The following NYAP2 variants were observed in gnomAD, a reference collection of about 807,000 sequenced individuals.
NYAP2 encodes the protein neuronal tyrosine-phosphorylated phosphoinositide-3-kinase adaptor 2.
In NYAP2, 23 loss-of-function variants were observed where a neutral mutation model predicts 50.4. That is an observed-to-expected ratio of 0.46 (90% CI 0.33 to 0.65). The LOEUF (loss-of-function observed/expected upper bound fraction) is 0.65. NYAP2 is among the 30% of genes least tolerant of loss of function. The pLI, the probability that NYAP2 is intolerant of heterozygous loss-of-function variation, is 0.02. For synonymous variants in NYAP2, 394 were observed against 365.2 expected (o/e 1.08, Z -0.90); for missense variants, 885 against 861.0 (o/e 1.03, Z -0.35).
chr2:225,665,635 C>T, the NYAP2 span, among the ~76,000 whole-genome samples: 1 of 150,014 alleles, frequency 6.7e-6, no homozygotes, highest in African/African-American at 2.5e-5. Context: ...ATGGTGAAAC[C>T]CCGTCTCTAC....
the NYAP2 span, among the ~76,000 whole-genome samples, chr2:225,673,523 T>G: frequency 6.6e-6 from 1 of 152,258 alleles, no homozygotes; most frequent in Admixed American, 6.5e-5. Context: ...CGAGGTAAGC[T>G]TATGTAACAA....
At chr2:225,476,225 A>C (rs1038539704) in intron 3 of NYAP2, among the ~76,000 whole-genome samples, 2 of 152,134 alleles carry the variant, frequency 1.3e-5, no homozygotes, top group African/African-American at 4.8e-5. Flanking sequence ...CATCCTGGCT[A>C]ACACGATGAA....
chr2:225,573,671 G>T (rs1032444413), intron 4 of NYAP2, among the ~76,000 whole-genome samples: 4 of 152,160 alleles, frequency 2.6e-5, no homozygotes, highest in Admixed American at 6.6e-5. Context: ...GTTGGGATGG[G>T]TTGGAACGTT....
At chr2:225,489,709 ATCC>A (rs1690371073) in intron 3 of NYAP2, among the ~76,000 whole-genome samples, 1 of 152,218 alleles carries the variant, frequency 6.6e-6, no homozygotes, top group African/African-American at 2.4e-5. Flanking sequence ...CCAGCAGGGT[ATCC>A]TCCTTCTGAA....
chr2:225,641,468 CAA>C (rs542466098), intron 6 of NYAP2, among the ~76,000 whole-genome samples: 5 of 125,628 alleles, frequency 4.0e-5, no homozygotes, highest in African/African-American at 9.4e-5. Context: ...CACACACACA[CAA>C]ACACACACAC....
chr2:225,537,594 T>A (rs1691374447), intron 4 of NYAP2, among the ~76,000 whole-genome samples: 1 of 152,148 alleles, frequency 6.6e-6, no homozygotes, highest in African/African-American at 2.4e-5. Flanking sequence ...ATGATTCAAT[T>A]ACCTCCCACC....
intron 3 of NYAP2, among the ~76,000 whole-genome samples, chr2:225,479,233 T>A (rs986465415): frequency 6.6e-6 from 1 of 152,200 alleles, no homozygotes; most frequent in East Asian, 1.9e-4. Flanking sequence ...AATCTGGTTA[T>A]AAATCCACTG....
chr2:225,616,926 C>T (rs770463210), intron 5 of NYAP2, among the ~76,000 whole-genome samples: 1 of 152,190 alleles, frequency 6.6e-6, no homozygotes, highest in Non-Finnish European at 1.5e-5. Context: ...GCCTTGATCA[C>T]TTCTCCTTAT....
chr2:225,584,977 T>C (rs1278115125), intron 5 of NYAP2, among the ~76,000 whole-genome samples: 1 of 152,222 alleles, frequency 6.6e-6, no homozygotes, highest in Non-Finnish European at 1.5e-5. Flanking sequence ...GGGGTGTTAC[T>C]GACATCTATT....
chr2:225,607,442 C>T (rs973463937), intron 5 of NYAP2, among the ~76,000 whole-genome samples: 5 of 152,080 alleles, frequency 3.3e-5, no homozygotes, highest in African/African-American at 9.7e-5. Flanking sequence ...CTCCTTTCTT[C>T]AAGAACATTC....
intron 4 of NYAP2, among the ~76,000 whole-genome samples, chr2:225,536,512 T>C (rs749438193): frequency 7.5e-6 from 1 of 133,314 alleles, no homozygotes; most frequent in Non-Finnish European, 1.6e-5. Flanking sequence ...TTCTTTTTAT[T>C]GCTGTTGTTG....
chr2:225,628,014 G>A (rs558951310), intron 6 of NYAP2, among the ~76,000 whole-genome samples: 24 of 151,994 alleles, frequency 1.6e-4, no homozygotes, highest in South Asian at 6.3e-4. Flanking sequence ...TCAGACAGTC[G>A]TGCACAAGTT....
At chr2:225,419,266 G>T (rs887146973) in intron 3 of NYAP2, among the ~76,000 whole-genome samples, 3 of 152,218 alleles carry the variant, frequency 2.0e-5, no homozygotes, top group African/African-American at 7.2e-5. Context: ...AAGGAAAGAT[G>T]CTCCGATAAC....
chr2:225,597,060 G>T (rs1020249344), intron 5 of NYAP2, among the ~76,000 whole-genome samples: 1 of 152,092 alleles, frequency 6.6e-6, no homozygotes, highest in African/African-American at 2.4e-5. Context: ...TATGGTATTT[G>T]TATCTGTGAA....
At chr2:225,695,358 A>C in the NYAP2 span, among the ~76,000 whole-genome samples, 7 of 152,050 alleles carry the variant, frequency 4.6e-5, no homozygotes, top group South Asian at 1.4e-3. Context: ...ATAAAATCAT[A>C]GAAGTGATGC....
intron 3 of NYAP2, among the ~76,000 whole-genome samples, chr2:225,441,554 C>T (rs1188438498): frequency 1.3e-5 from 2 of 152,048 alleles, no homozygotes; most frequent in Non-Finnish European, 2.9e-5. Context: ...CTGGGGAGGC[C>T]TCAGGAAACT....
intron 5 of NYAP2, among the ~76,000 whole-genome samples, chr2:225,617,392 G>A (rs1324755734): frequency 1.3e-5 from 2 of 152,008 alleles, no homozygotes; most frequent in Admixed American, 6.6e-5. Context: ...TTGCACCATT[G>A]CACTCCAGCC....
At position 225,456,198 on chromosome 2, in the gene NYAP2, A is replaced by T. The variant is rs115418903; in HGVS notation, c.221+47097A>T. On this transcript the variant is annotated intron_variant, in intron 3 of 6. Transcript: ENST00000636099. ...TGCTCTTTTTAAAAAGCTCTGAGAC[A>T]ACCAGAAATGGCCCAGTGAATTTGA... 4.7e-3 allele frequency among the ~76,000 whole-genome samples: 713 copies of T among 152,350 alleles called. 6 individuals are homozygous for T. Among genetic ancestry groups the T allele is most frequent in the African/African-American group, 0.016 (664 of 41,590 alleles).
At chr2:225,497,165 T>C (rs1417786628) in intron 3 of NYAP2, among the ~76,000 whole-genome samples, 1 of 152,182 alleles carries the variant, frequency 6.6e-6, no homozygotes, top group East Asian at 1.9e-4. Flanking sequence ...AAGTGCATTG[T>C]TCCCAGAAAG....
Sources: allele counts gnomAD v4.1 joint callset (sites outside exome capture counted in the v4.1 genomes callset), GRCh38; gene constraint gnomAD v4.1.1; transcripts MANE v1.5; gene names NCBI Gene and HGNC (gene_info 2026-07-23, HGNC 2026-07-21).